The following FMN1 variants were observed in gnomAD, a reference collection of about 807,000 sequenced individuals.
The protein encoded by FMN1 is formin-1.
FMN1 carries 110 observed loss-of-function variants against 132.4 expected under a neutral mutation model. The ratio of observed to expected loss-of-function variants is 0.83; its 90% CI spans 0.71 to 0.97. The LOEUF is 0.97. Among genes scored for constraint, FMN1 ranks in the 50% least tolerant of loss-of-function variants. The probability of loss-of-function intolerance (pLI) is 0.00; values close to 1 mark genes in which losing one functional copy is unlikely to be tolerated. For missense variants in FMN1, 1,792 were observed against 1,705.3 expected (o/e 1.05, Z -0.90); for synonymous variants, 722 against 651.7 (o/e 1.11, Z -1.64).
Position 33,013,656 on chromosome 15 carries a change from T to C in FMN1, c.2162-5581A>G, listed in dbSNP as rs142446308. Among the ~76,000 whole-genome samples, 27 of 152,316 alleles carry C rather than the reference T, an allele frequency of 1.8e-4. No homozygotes were observed. In the East Asian group the frequency reaches 4.6e-3, roughly 26 times the overall value. On this transcript the variant is annotated intron_variant, in intron 6 of 20. Coordinates refer to ENST00000616417, the MANE Select transcript of FMN1 (RefSeq NM_001277313.2). ...ACATTCGTTTCCTCAAATATCAATA[T>C]AGGCAAAACAGAACATCTGAATTCA... is the stretch of plus-strand genomic sequence containing the variant.
At chr15:33,058,733 G>A (rs964927698) in intron 6 of FMN1, among the ~76,000 whole-genome samples, 4 of 152,182 alleles carry the variant, frequency 2.6e-5, no homozygotes, top group Non-Finnish European at 5.9e-5. Flanking sequence ...ACTCACTTCA[G>A]ATCCCGTAAT....
At chr15:32,944,297 T>G (rs1596320769) in intron 9 of FMN1, among the ~76,000 whole-genome samples, 1 of 152,208 alleles carries the variant, frequency 6.6e-6, no homozygotes, top group Non-Finnish European at 1.5e-5. Context: ...GAAGAGCTGG[T>G]TGGCTGGCTG....
intron 4 of FMN1, among the ~76,000 whole-genome samples, chr15:33,130,163 A>C (rs1239295278): frequency 6.6e-6 from 1 of 152,146 alleles, no homozygotes; most frequent in East Asian, 1.9e-4. Flanking sequence ...AGTTCCTGCA[A>C]ATTCAGAAAA....
intron 6 of FMN1, among the ~76,000 whole-genome samples, chr15:33,009,884 C>T (rs1330692293): frequency 2.0e-5 from 3 of 151,394 alleles, no homozygotes; most frequent in Non-Finnish European, 2.9e-5. Flanking sequence ...ATGGAGGAAT[C>T]TTTTTTTTGT....
intron 17 of FMN1, among the ~76,000 whole-genome samples, chr15:32,841,127 G>C (rs1472767127): frequency 6.6e-6 from 1 of 152,152 alleles, no homozygotes; most frequent in East Asian, 1.9e-4. Context: ...ACAGCTCATT[G>C]ATCTTGGGTT....
chr15:32,967,183 T>G (rs574028919), intron 8 of FMN1, among the ~76,000 whole-genome samples: 2 of 152,204 alleles, frequency 1.3e-5, no homozygotes, highest in Non-Finnish European at 2.9e-5. Context: ...GCCAACTAAA[T>G]GAGGAGGAAA....
intron 9 of FMN1, among the ~76,000 whole-genome samples, chr15:32,938,710 G>A (rs758737896): frequency 6.6e-6 from 1 of 152,178 alleles, no homozygotes; most frequent in Non-Finnish European, 1.5e-5. Context: ...ACCCTGCCAA[G>A]TATTTGAGAG....
At chr15:33,011,835 T>C (rs530720510) in intron 6 of FMN1, among the ~76,000 whole-genome samples, 30 of 152,248 alleles carry the variant, frequency 2.0e-4, no homozygotes, top group African/African-American at 7.2e-4. Flanking sequence ...ATAACTATGT[T>C]AAAAGGTGCT....
intron 7 of FMN1, among the ~76,000 whole-genome samples, chr15:32,992,965 T>C (rs112207815): frequency 3.9e-5 from 6 of 152,214 alleles, no homozygotes. Context: ...AGATGAAACA[T>C]TTCTCGCCAA....
chr15:33,050,305 A>G (rs2036909646), intron 6 of FMN1, among the ~76,000 whole-genome samples: 1 of 152,252 alleles, frequency 6.6e-6, no homozygotes, highest in African/African-American at 2.4e-5. Context: ...ATTTCACTAC[A>G]TAAAACTTTT....
intron 17 of FMN1, among the ~76,000 whole-genome samples, chr15:32,816,665 A>C (rs2058069366): frequency 6.6e-6 from 1 of 151,594 alleles, no homozygotes; most frequent in Admixed American, 6.6e-5. Context: ...ACTAGGCCAC[A>C]CTGTGATTCT....
chr15:33,039,631 A>G (rs542090675), intron 6 of FMN1, among the ~76,000 whole-genome samples: 175 of 152,316 alleles, frequency 1.1e-3, no homozygotes, highest in African/African-American at 3.9e-3. Flanking sequence ...AGGCAAATAA[A>G]TTAGTGTAAA....
chr15:32,825,359 G>A (rs2058337930), intron 17 of FMN1, among the ~76,000 whole-genome samples: 1 of 152,198 alleles, frequency 6.6e-6, no homozygotes, highest in South Asian at 2.1e-4. Flanking sequence ...CCTAGTTCTA[G>A]TTGTATTCGC....
Position 32,822,222 on chromosome 15 carries a change from A to T in FMN1, c.3929-17890T>A, listed in dbSNP as rs576310137. Among the ~76,000 whole-genome samples the T allele has an allele frequency of 8.1e-4, 124 of 152,162 alleles. No homozygotes were observed. The South Asian group carries it at 0.024, about 29-fold the overall frequency. On this transcript the variant is annotated intron_variant, in intron 17 of 20. Coordinates refer to ENST00000616417, the MANE Select transcript of FMN1 (RefSeq NM_001277313.2). ...AAATTAGCCAGGTGTGGTGGCATGC[A>T]CCTGTAATTGCAGCTACTCAGGAAG...
chr15:33,072,335 G>C (rs1184792134), intron 5 of FMN1, among the ~76,000 whole-genome samples: 1 of 152,184 alleles, frequency 6.6e-6, no homozygotes. Context: ...TGGATTCCCA[G>C]AGCCTCCTGT....
At chr15:33,084,852 C>T (rs1158123518) in intron 5 of FMN1, among the ~76,000 whole-genome samples, 13 of 152,196 alleles carry the variant, frequency 8.5e-5, no homozygotes. Flanking sequence ...TGCCAACTCC[C>T]ACCAATTATT....
chr15:32,866,637 T>C lies in FMN1; in HGVS notation c.3836-9530A>G, dbSNP rs112703337. ...AGTCTAATCATTTTCCCAGTCCAAC[T>C]GTCTTTTAAAATTTGCAATACTCAC... On this transcript the variant is annotated intron_variant, in intron 16 of 20. Coordinates refer to ENST00000616417, the MANE Select transcript of FMN1 (RefSeq NM_001277313.2). 6.1e-3 allele frequency among the ~76,000 whole-genome samples: 926 copies of C among 152,360 alleles called. 9 individuals carry two copies. The highest frequency in any genetic ancestry group is 0.016 in the African/African-American group (645 of 41,576).
At chr15:32,822,746 C>T (rs1464468033) in intron 17 of FMN1, among the ~76,000 whole-genome samples, 4 of 152,096 alleles carry the variant, frequency 2.6e-5, no homozygotes, top group African/African-American at 4.8e-5. Flanking sequence ...AAAAATATTT[C>T]ATCAACTCAA....
intron 5 of FMN1, among the ~76,000 whole-genome samples, chr15:33,071,179 A>C (rs752323421): frequency 1.6e-4 from 25 of 152,324 alleles, no homozygotes; most frequent in East Asian, 5.8e-4. Context: ...AAAAAACAAC[A>C]ACCTTATACT....
Sources: allele counts gnomAD v4.1 joint callset (sites outside exome capture counted in the v4.1 genomes callset), GRCh38; gene constraint gnomAD v4.1.1; transcripts MANE v1.5; gene names NCBI Gene and HGNC (gene_info 2026-07-23, HGNC 2026-07-21).